BCL11B: variants seen among roughly 807,000 people sequenced by gnomAD.
BCL11B encodes the protein BCL11 transcription factor B.
BCL11B carries 8 observed loss-of-function variants against 49.9 expected under a neutral mutation model. The ratio of observed to expected loss-of-function variants is 0.16; its 90% CI spans 0.09 to 0.29. The LOEUF (loss-of-function observed/expected upper bound fraction) is 0.29, where lower values mean the gene tolerates loss of function less well. Ranked by LOEUF, BCL11B falls within the 10% of genes least tolerant of loss-of-function variation. The pLI is 1.00. For missense variants in BCL11B, 1,006 were observed against 1,351.0 expected (o/e 0.74, Z 4.00); for synonymous variants, 739 against 637.4 (o/e 1.16, Z -2.40).
At position 99,170,955 on chromosome 14, in the gene BCL11B, G is replaced by C. The variant is rs1476020864; in HGVS notation, c.*3196C>G. On this transcript the variant is annotated 3_prime_UTR_variant, in exon 4 of 4. Transcript: ENST00000357195. ...TGCTGGTAAGGGCGGGAGAGGTGGT[G>C]GTGGTGACCGCCACAGGAGTGATGG... 2 of 232,592 alleles carry C rather than the reference G, an allele frequency of 8.6e-6. No homozygotes were observed. Among genetic ancestry groups the C allele is most frequent in the Non-Finnish European group, 1.7e-5 (2 of 117,712 alleles). 14.4% of individuals were successfully genotyped at this position (232,592 alleles called of 1,614,324 possible).
chr14:99,245,409 C>A (rs1035991415), intron 2 of BCL11B, among the ~76,000 whole-genome samples: 12 of 152,354 alleles, frequency 7.9e-5, no homozygotes, highest in African/African-American at 2.9e-4. Flanking sequence ...TTACTCTTCT[C>A]CCACTCGGAA....
At chr14:99,267,561 TA>T (rs1889523602) in intron 1 of BCL11B, among the ~76,000 whole-genome samples, 1 of 117,912 alleles carries the variant, frequency 8.5e-6, no homozygotes, top group Non-Finnish European at 1.9e-5. Flanking sequence ...CCCCACCAAC[TA>T]ACCAAAAAAA....
chr14:99,239,364 G>T (rs183583921), intron 2 of BCL11B, among the ~76,000 whole-genome samples: 2 of 152,212 alleles, frequency 1.3e-5, no homozygotes, highest in African/African-American at 4.8e-5. Context: ...GCTGCAAACC[G>T]AAGTAAAGTG....
intron 3 of BCL11B, among the ~76,000 whole-genome samples, chr14:99,221,095 G>A (rs919477204): frequency 8.6e-5 from 13 of 151,932 alleles, no homozygotes; most frequent in African/African-American, 4.8e-5. Flanking sequence ...CTTGTGATCC[G>A]CCTGCCTGCC....
chr14:99,256,952 AG>A (rs1424670395), intron 2 of BCL11B, among the ~76,000 whole-genome samples: 2 of 152,012 alleles, frequency 1.3e-5, no homozygotes, highest in African/African-American at 4.8e-5. Flanking sequence ...GAGAAAGGAG[AG>A]GGGAGAGAAT....
At chr14:99,246,489 G>A (rs1156483383) in intron 2 of BCL11B, among the ~76,000 whole-genome samples, 1 of 152,222 alleles carries the variant, frequency 6.6e-6, no homozygotes, top group Non-Finnish European at 1.5e-5. Context: ...GTGCCGAGGA[G>A]CCTCCCGACC....
Position 99,192,249 on chromosome 14 carries a change from A to G in BCL11B, c.641-16054T>C, listed in dbSNP as rs979417919. On this transcript the variant is annotated intron_variant, in intron 3 of 3. Coordinates refer to ENST00000357195, the MANE Select transcript of BCL11B (RefSeq NM_138576.4). The surrounding 1 kb of genome is among the most constrained non-coding windows in gnomAD (Gnocchi z 4.0). ...TTGGCAGCGTTTCCTTGGAGCGCAC[A>G]CGGTGAACCTGGCTCTCGCATACAG... is the stretch of plus-strand genomic sequence containing the variant. Among the ~76,000 whole-genome samples, 2 of 152,180 alleles carry G rather than the reference A, an allele frequency of 1.3e-5. No individual in the cohort carries two copies.
intron 2 of BCL11B, among the ~76,000 whole-genome samples, chr14:99,245,326 G>T (rs1382327576): frequency 6.6e-6 from 1 of 152,198 alleles, no homozygotes; most frequent in East Asian, 1.9e-4. Context: ...CAGGAGCTTC[G>T]GTGTCCCACT....
chr14:99,174,433 G>A lies in BCL11B; in HGVS notation c.2403C>T (p.Cys801=), dbSNP rs780100734. 9 of 1,612,338 alleles carry A rather than the reference G, an allele frequency of 5.6e-6. No individual in the cohort carries two copies. The highest frequency in any genetic ancestry group is 2.2e-5 in the East Asian group (1 of 44,744). ...EGRRSDTCEY[C]GKVFKNCSNL... ...TGCTGCAGTTCTTGAACACCTTGCC[G>A]CAGTACTCGCACGTGTCGCTGCGGC... Residue 801 remains cysteine (C), a synonymous_variant, in exon 4 of 4, where the codon TGC becomes TGT. Transcript: ENST00000357195.
chr14:99,271,261 A>C lies in BCL11B; in HGVS notation c.-43T>G, dbSNP rs1300409059. 5.4e-6 allele frequency: 7 copies of C among 1,307,530 alleles called. No individual in the cohort carries two copies. Among genetic ancestry groups the C allele is most frequent in the African/African-American group, 1.5e-5 (1 of 66,162 alleles). The allele number at this position is 1,307,530 out of a possible 1,614,324, so 81.0% of individuals were successfully genotyped here. On this transcript the variant is annotated 5_prime_UTR_variant, in exon 1 of 4. Coordinates refer to ENST00000357195, the MANE Select transcript of BCL11B (RefSeq NM_138576.4). ...TGGCATCGCCCGGAGAGCTGCACTG[A>C]TGGGGGGAGCCGGGGGAGGGGGTCC...
rs989565517 is a variant in BCL11B, at chr14:99,174,003, A to T, written c.*148T>A. The T allele has an allele frequency of 1.5e-5, 11 of 716,294 alleles. No individual in the cohort carries two copies. In the Middle Eastern group the frequency reaches 1.1e-3, roughly 75 times the overall value. 44.4% of individuals were successfully genotyped at this position (716,294 alleles called of 1,614,324 possible). On this transcript the variant is annotated 3_prime_UTR_variant, in exon 4 of 4. Transcript: ENST00000357195. Reference sequence around the variant, plus strand: ...CTCGGGTTTCCATAGGACTTCGCAGACACAGGTTAGGTTGGAGTGCCGCCT... The same window carrying T: ...CTCGGGTTTCCATAGGACTTCGCAGTCACAGGTTAGGTTGGAGTGCCGCCT...
chr14:99,226,687 C>T (rs1245659346), intron 3 of BCL11B, among the ~76,000 whole-genome samples: 1 of 152,204 alleles, frequency 6.6e-6, no homozygotes, highest in Non-Finnish European at 1.5e-5. Context: ...CCACAGCTAG[C>T]GTGGTCTAAT....
chr14:99,260,805 C>T (rs1889313646), intron 1 of BCL11B, among the ~76,000 whole-genome samples: 1 of 152,094 alleles, frequency 6.6e-6, no homozygotes, highest in South Asian at 2.1e-4. Flanking sequence ...CTGATTTCTG[C>T]GTCAAGTCCT....
At chr14:99,253,990 G>T (rs560851409) in intron 2 of BCL11B, among the ~76,000 whole-genome samples, 1 of 152,172 alleles carries the variant, frequency 6.6e-6, no homozygotes, top group Non-Finnish European at 1.5e-5. Context: ...GACCTCCTCC[G>T]TCCACAGCGA....
In BCL11B at chr14:99,248,044, C is replaced by T. The variant is rs1888898638; in HGVS notation, c.427+9427G>A. ...TGACTTTTCACCTCCAACAAAAAGG[C>T]TATTTTGTTACTATTTTTCCGCCCA... On this transcript the variant is annotated intron_variant, in intron 2 of 3. Coordinates refer to ENST00000357195, the MANE Select transcript of BCL11B (RefSeq NM_138576.4). The surrounding 1 kb of genome is among the most constrained non-coding windows in gnomAD (Gnocchi z 4.7). Among the ~76,000 whole-genome samples, 1 of 152,166 alleles carries T rather than the reference C, an allele frequency of 6.6e-6. No homozygotes were observed. The highest frequency in any genetic ancestry group is 2.4e-5 in the African/African-American group (1 of 41,436).
At chr14:99,217,786 CCT>C (rs1311348975) in intron 3 of BCL11B, among the ~76,000 whole-genome samples, 3 of 152,150 alleles carry the variant, frequency 2.0e-5, no homozygotes, top group African/African-American at 7.2e-5. Flanking sequence ...GGCTCCTTAA[CCT>C]CTGACCCCGC....
intron 1 of BCL11B, among the ~76,000 whole-genome samples, chr14:99,260,361 T>A (rs1206683757): frequency 6.6e-6 from 1 of 152,158 alleles, no homozygotes; most frequent in Non-Finnish European, 1.5e-5. Context: ...CGAAGAGGTC[T>A]TCTTGGTTTT....
intron 3 of BCL11B, among the ~76,000 whole-genome samples, chr14:99,227,273 G>A (rs987925839): frequency 3.9e-5 from 6 of 152,230 alleles, no homozygotes; most frequent in South Asian, 4.2e-4. Flanking sequence ...CTCTAACTTC[G>A]ACAGGGCTCA....
chr14:99,217,311 C>T (rs893013663), intron 3 of BCL11B, among the ~76,000 whole-genome samples: 2 of 151,990 alleles, frequency 1.3e-5, no homozygotes, highest in African/African-American at 4.8e-5. Context: ...CATACACTTA[C>T]ATATACACGT....
Sources: allele counts gnomAD v4.1 joint callset (sites outside exome capture counted in the v4.1 genomes callset), GRCh38; gene constraint gnomAD v4.1.1; non-coding constraint Gnocchi (gnomAD v3.1); transcripts MANE v1.5; gene names NCBI Gene and HGNC (gene_info 2026-07-23, HGNC 2026-07-21).